Variants in EVI5L observed in about 807,000 individuals in gnomAD.
EVI5L encodes the protein EVI5-like protein.
In EVI5L, 30 loss-of-function variants were observed where a neutral mutation model predicts 106.1. The ratio of observed to expected loss-of-function variants is 0.28; its 90% CI spans 0.21 to 0.38. EVI5L has a LOEUF of 0.38. EVI5L is among the 10% of genes least tolerant of loss of function. The pLI, the probability that EVI5L is intolerant of heterozygous loss-of-function variation, is 1.00. For synonymous variants in EVI5L, 489 were observed against 483.3 expected (o/e 1.01, Z -0.15); for missense variants, 809 against 1,098.0 (o/e 0.74, Z 3.72).
chr19:7,862,949 T>TC (rs1979916126), intron 17 of EVI5L, 23 bp from the exon 18 acceptor site: 2 of 1,496,738 alleles, frequency 1.3e-6, no homozygotes, highest in East Asian at 2.6e-5. Context: ...CGCCCTCCTT[T>TC]CCCCCCAATC....
At chr19:7,833,778 G>A (rs991090375) in intron 1 of EVI5L, among the ~76,000 whole-genome samples, 2 of 152,220 alleles carry the variant, frequency 1.3e-5, no homozygotes, top group African/African-American at 4.8e-5. Flanking sequence ...CAGCAAAGGG[G>A]ATCCCTAGTT....
At position 7,853,229 on chromosome 19, in the gene EVI5L, C is replaced by A. The variant is rs369303569; in HGVS notation, c.1086-44C>A. 9.3e-6 allele frequency: 15 copies of A among 1,613,812 alleles called. No homozygotes were observed. In the African/African-American group the frequency reaches 1.6e-4, roughly 17 times the overall value. ...CAGGGTACTGGTAAGAAGGGGGGAC[C>A]CCCGAGGGCATGACAGTAACCACGG... is the stretch of plus-strand genomic sequence containing the variant. On this transcript the variant is annotated intron_variant, in intron 9 of 19. Coordinates refer to ENST00000538904, the MANE Select transcript of EVI5L (RefSeq NM_001159944.3).
At position 7,863,082 on chromosome 19, in the gene EVI5L, C is replaced by T. The variant is rs1404122738; in HGVS notation, c.2043+15C>T. 3.3e-6 allele frequency: 4 copies of T among 1,206,940 alleles called. No homozygotes were observed. The Admixed American group carries it at 8.2e-5, about 25-fold the overall frequency. The allele number at this position is 1,206,940 out of a possible 1,614,324, so 74.8% of individuals were successfully genotyped here. On this transcript the variant is annotated intron_variant, in intron 18 of 19. Transcript: ENST00000538904. The surrounding 1 kb of genome is among the most constrained non-coding windows in gnomAD (Gnocchi z 7.7). ...TGGAGATCCAGGTGATCGGCGGGGC[C>T]GGGGTCGGGGGGCGGGGGCGGGGGC...
chr19:7,831,750 G>A (rs554870756), intron 1 of EVI5L, among the ~76,000 whole-genome samples: 1 of 152,350 alleles, frequency 6.6e-6, no homozygotes, highest in Non-Finnish European at 1.5e-5. Context: ...CCTGAAGTCT[G>A]CCCCCAGCCT....
At chr19:7,834,777 C>G (rs534811125) in intron 1 of EVI5L, among the ~76,000 whole-genome samples, 1 of 152,236 alleles carries the variant, frequency 6.6e-6, no homozygotes, top group South Asian at 2.1e-4. Context: ...CTCATTGATT[C>G]CTTCCAACAA....
Position 7,863,677 on chromosome 19 carries a change from C to T in EVI5L, c.2393C>T (p.Pro798Leu). Residue 798 changes from proline to leucine, a missense_variant, in exon 20 of 20, where the codon CCC (proline) becomes CTC (leucine). By Grantham distance (98) the Pro-to-Leu change is moderately conservative. This residue lies in a region of EVI5L where 452 missense variants were observed against 509.9 expected (regional missense o/e 0.89). Coordinates refer to ENST00000538904, the MANE Select transcript of EVI5L (RefSeq NM_001159944.3). The surrounding 1 kb of genome is among the most constrained non-coding windows in gnomAD (Gnocchi z 7.7). ...SDSDADELAA[P>L]YSQGLDN ...AGCGACGCCGATGAGCTGGCCGCGC[C>T]CTACAGCCAGGGTCTGGACAACTGA... 2.0e-6 allele frequency: 3 copies of T among 1,525,398 alleles called. No homozygotes were observed. The highest frequency in any genetic ancestry group is 2.6e-6 in the Non-Finnish European group (3 of 1,138,922). The allele number at this position is 1,525,398 out of a possible 1,614,324, so 94.5% of individuals were successfully genotyped here. A position where few individuals can be genotyped will look rare whatever the true frequency, so the allele number is the denominator to read the frequency against.
rs535379535 is a variant in EVI5L, at chr19:7,851,206, G to A, written c.754-228G>A. Among the ~76,000 whole-genome samples, 50 of 152,194 alleles carry A rather than the reference G, an allele frequency of 3.3e-4. No homozygotes were observed. In the East Asian group the frequency reaches 8.3e-3, roughly 25 times the overall value. On this transcript the variant is annotated intron_variant, in intron 6 of 19. Coordinates refer to ENST00000538904, the MANE Select transcript of EVI5L (RefSeq NM_001159944.3). ...CCCAGGGTGGGCCCCCAACACAGGCGGCTACAGATCTTGCCATCCCTGCCT... is the reference window on the plus strand; with the variant it reads ...CCCAGGGTGGGCCCCCAACACAGGCAGCTACAGATCTTGCCATCCCTGCCT...
chr19:7,843,447 GGTGT>G (rs1339116801), intron 1 of EVI5L, among the ~76,000 whole-genome samples: 2 of 95,412 alleles, frequency 2.1e-5, no homozygotes, highest in African/African-American at 7.9e-5. Flanking sequence ...TGTGTGTATG[GGTGT>G]GTGAGTGTGT....
intron 1 of EVI5L, among the ~76,000 whole-genome samples, chr19:7,838,494 A>G (rs1978449757): frequency 6.6e-6 from 1 of 152,218 alleles, no homozygotes; most frequent in Non-Finnish European, 1.5e-5. Flanking sequence ...CATCCTATCA[A>G]GGGTACGTGT....
At chr19:7,831,399 C>G (rs1276147501) in intron 1 of EVI5L, among the ~76,000 whole-genome samples, 1 of 151,882 alleles carries the variant, frequency 6.6e-6, no homozygotes, top group South Asian at 2.1e-4. Context: ...CCTGTCCAGG[C>G]CCTCCCAGAG....
intron 1 of EVI5L, among the ~76,000 whole-genome samples, chr19:7,841,642 C>T (rs368663883): frequency 6.6e-6 from 1 of 152,190 alleles, no homozygotes; most frequent in South Asian, 2.1e-4. Context: ...GGGTCCAGGA[C>T]CCCCCTTCAG....
In EVI5L at chr19:7,862,377, C is replaced by T. The variant is rs767467589; in HGVS notation, c.1801-11C>T. 1.2e-5 allele frequency: 19 copies of T among 1,595,966 alleles called. No individual in the cohort carries two copies. Among genetic ancestry groups the T allele is most frequent in the Non-Finnish European group, 1.5e-5 (18 of 1,170,726 alleles). ...CCGCCGTCCTCCGTCCTCCCTTCCTCCCTATCCCAGGACCACATCCACCGC... is the reference window on the plus strand; with the variant it reads ...CCGCCGTCCTCCGTCCTCCCTTCCTTCCTATCCCAGGACCACATCCACCGC... On this transcript the variant is annotated splice_polypyrimidine_tract_variant and intron_variant, in intron 16 of 19. Coordinates refer to ENST00000538904, the MANE Select transcript of EVI5L (RefSeq NM_001159944.3).
chr19:7,842,716 G>A (rs578224306), intron 1 of EVI5L, among the ~76,000 whole-genome samples: 3 of 152,162 alleles, frequency 2.0e-5, no homozygotes, highest in African/African-American at 7.2e-5. Context: ...GGATGTGCAC[G>A]AGTATGTGTG....
chr19:7,852,293 G>A (rs929374175), intron 8 of EVI5L, among the ~76,000 whole-genome samples: 1 of 152,234 alleles, frequency 6.6e-6, no homozygotes, highest in African/African-American at 2.4e-5. Context: ...TCCAGCTGGT[G>A]CTTCAGGGAA....
Position 7,856,521 on chromosome 19 carries a change from C to T in EVI5L, c.1200+453C>T, listed in dbSNP as rs1311176647. ...ATGGTGGGGAGCCACAGCCCGGACT[C>T]TGCTCCCCAACATGCTAAAGATGGG... is the stretch of plus-strand genomic sequence containing the variant. On this transcript the variant is annotated intron_variant, in intron 11 of 19. Transcript: ENST00000538904. This position sits in a 1 kb window ranked among gnomAD's most constrained non-coding sequence, Gnocchi z 6.6. 6.6e-6 allele frequency among the ~76,000 whole-genome samples: 1 copy of T among 152,016 alleles called. No homozygotes were observed. Among genetic ancestry groups the T allele is most frequent in the Non-Finnish European group, 1.5e-5 (1 of 67,978 alleles).
At chr19:7,862,927 C>CT in intron 17 of EVI5L, 45 bp from the exon 18 acceptor site, 1 of 1,337,540 alleles carries the variant, frequency 7.5e-7, no homozygotes, top group Non-Finnish European at 1.0e-6. Context: ...TGATGCGCCG[C>CT]GCCCCCTGAC....
At chr19:7,834,219 C>T (rs749960050) in intron 1 of EVI5L, among the ~76,000 whole-genome samples, 25 of 152,186 alleles carry the variant, frequency 1.6e-4, no homozygotes, top group Non-Finnish European at 3.2e-4. Context: ...TATGGTGGTG[C>T]ACACCTGTAG....
chr19:7,838,501 G>A lies in EVI5L; in HGVS notation c.-47-7995G>A, dbSNP rs118026651. On this transcript the variant is annotated intron_variant, in intron 1 of 19. Transcript: ENST00000538904. ...TTCTGTCACATCCTATCAAGGGTACGTGTTAGCCACGTAACTTATCACTGT... is the reference window on the plus strand; with the variant it reads ...TTCTGTCACATCCTATCAAGGGTACATGTTAGCCACGTAACTTATCACTGT... Among the ~76,000 whole-genome samples, 95 of 152,340 alleles carry A rather than the reference G, an allele frequency of 6.2e-4. 1 individual carries two copies. In the East Asian group the frequency reaches 0.018, roughly 29 times the overall value.
chr19:7,851,455 A>G lies in EVI5L; in HGVS notation c.775A>G (p.Thr259Ala). 1.9e-6 allele frequency: 3 copies of G among 1,611,904 alleles called. No homozygotes were observed. The highest frequency in any genetic ancestry group is 2.2e-5 in the South Asian group (2 of 90,660). ...GCAGGAGCAGCTCCCAGACCTCAACACCCACTTCCGTTCCCAAAGCTTCCA... is the reference window on the plus strand; with the variant it reads ...GCAGGAGCAGCTCCCAGACCTCAACGCCCACTTCCGTTCCCAAAGCTTCCA... ...MLQEQLPDLN[T>A]HFRSQSFHTS... The change falls in exon 7 of 20, where the codon ACC becomes GCC. Residue 259 changes from threonine to alanine, a missense_variant. By Grantham distance (58) the Thr-to-Ala change is moderately conservative (BLOSUM62 0). Transcript: ENST00000538904.
Sources: allele counts gnomAD v4.1 joint callset (sites outside exome capture counted in the v4.1 genomes callset), GRCh38; gene constraint gnomAD v4.1.1; regional missense constraint gnomAD v4.1.1; non-coding constraint Gnocchi (gnomAD v3.1); transcripts MANE v1.5; gene names NCBI Gene and HGNC (gene_info 2026-07-23, HGNC 2026-07-21).